The following CECR2 variants were observed in gnomAD, a reference collection of about 807,000 sequenced individuals.
CECR2 encodes the protein chromatin remodeling regulator CECR2.
In CECR2, 30 loss-of-function variants were observed where a neutral mutation model predicts 154.5. That is an observed-to-expected ratio of 0.19 (90% confidence interval 0.15 to 0.26). The LOEUF is 0.26. Among genes scored for constraint, CECR2 ranks in the 10% least tolerant of loss-of-function variants. CECR2 has a pLI of 1.00. For synonymous variants in CECR2, 725 were observed against 683.7 expected (o/e 1.06, Z -0.94); for missense variants, 1,743 against 1,829.3 (o/e 0.95, Z 0.86).
intron 7 of CECR2, among the ~76,000 whole-genome samples, chr22:17,506,496 T>C (rs2055847760): frequency 6.6e-6 from 1 of 152,214 alleles, no homozygotes; most frequent in Non-Finnish European, 1.5e-5. Flanking sequence ...ACTACGTCCA[T>C]GAACTGTCCT....
chr22:17,452,986 A>G (rs2054794800), intron 1 of CECR2, among the ~76,000 whole-genome samples: 1 of 152,210 alleles, frequency 6.6e-6, no homozygotes, highest in Non-Finnish European at 1.5e-5. Flanking sequence ...ACAAGACCCT[A>G]TTTATGAAAC....
chr22:17,480,799 G>C (rs1392119929), intron 2 of CECR2, among the ~76,000 whole-genome samples: 1 of 152,062 alleles, frequency 6.6e-6, no homozygotes, highest in Admixed American at 6.6e-5. Flanking sequence ...CAGCACTTTG[G>C]GAGGCCGAGA....
intron 1 of CECR2, among the ~76,000 whole-genome samples, chr22:17,395,028 A>T (rs544114333): frequency 2.2e-4 from 33 of 152,100 alleles, no homozygotes; most frequent in South Asian, 6.2e-4. Context: ...AAATGCATGG[A>T]TCCTTGTACC....
intron 1 of CECR2, among the ~76,000 whole-genome samples, chr22:17,445,268 G>A (rs1370460312): frequency 1.3e-5 from 2 of 152,130 alleles, no homozygotes; most frequent in African/African-American, 4.8e-5. Flanking sequence ...AGCACTTTGG[G>A]AGGCTGAGGT....
chr22:17,410,680 T>C (rs1014370755), intron 1 of CECR2, among the ~76,000 whole-genome samples: 1 of 152,102 alleles, frequency 6.6e-6, no homozygotes, highest in Non-Finnish European at 1.5e-5. Context: ...ACTCCTGACC[T>C]TGTGACCTGC....
At chr22:17,497,125 T>C (rs2055644078) in intron 2 of CECR2, among the ~76,000 whole-genome samples, 1 of 152,018 alleles carries the variant, frequency 6.6e-6, no homozygotes, top group African/African-American at 2.4e-5. Flanking sequence ...GAGACCCCTG[T>C]CTCTACAAAA....
chr22:17,421,571 C>T (rs1368579334), intron 1 of CECR2, among the ~76,000 whole-genome samples: 5 of 143,504 alleles, frequency 3.5e-5, no homozygotes, highest in East Asian at 4.1e-4. Context: ...GCCGAGATCC[C>T]GCCACTGCAC....
At chr22:17,397,031 TG>T (rs1391309840) in intron 1 of CECR2, among the ~76,000 whole-genome samples, 5 of 152,112 alleles carry the variant, frequency 3.3e-5, no homozygotes, top group African/African-American at 1.2e-4. Context: ...AGTTAGTGGG[TG>T]GGACCTGCAT....
intron 7 of CECR2, among the ~76,000 whole-genome samples, chr22:17,508,933 T>C (rs2055893416): frequency 1.3e-5 from 2 of 152,166 alleles, no homozygotes; most frequent in African/African-American, 4.8e-5. Flanking sequence ...CAATAAAGAA[T>C]AGTAAGATGC....
intron 1 of CECR2, among the ~76,000 whole-genome samples, chr22:17,467,200 A>C (rs899873085): frequency 6.6e-6 from 1 of 152,184 alleles, no homozygotes. Flanking sequence ...CTTCACTCAT[A>C]TTTCATTGAC....
At chr22:17,475,232 A>C (rs1430097985) in intron 1 of CECR2, among the ~76,000 whole-genome samples, 1 of 152,144 alleles carries the variant, frequency 6.6e-6, no homozygotes, top group Admixed American at 6.5e-5. Flanking sequence ...AGAATGGTAC[A>C]TGTGAGGGCT....
chr22:17,533,867 C>T (rs1453575150), intron 9 of CECR2, among the ~76,000 whole-genome samples: 1 of 151,696 alleles, frequency 6.6e-6, no homozygotes, highest in Non-Finnish European at 1.5e-5. Context: ...CAGGCATGCA[C>T]CACCACGCCT....
chr22:17,450,930 CA>C (rs1175998083), intron 1 of CECR2, among the ~76,000 whole-genome samples: 1 of 149,546 alleles, frequency 6.7e-6, no homozygotes, highest in Non-Finnish European at 1.5e-5. Flanking sequence ...TGGATTATTA[CA>C]GTTCTCTACT....
chr22:17,387,948 TTTTG>T (rs1569048473), intron 1 of CECR2, among the ~76,000 whole-genome samples: 1 of 152,062 alleles, frequency 6.6e-6, no homozygotes, highest in Non-Finnish European at 1.5e-5. Context: ...TGAGTTTTTT[TTTTG>T]TTTGTTTTTT....
At chr22:17,552,004 T>C in intron 17 of CECR2, 27 bp from the exon 18 acceptor site, 1 of 1,604,386 alleles carries the variant, frequency 6.2e-7, no homozygotes, top group Non-Finnish European at 8.5e-7. Context: ...TCATTAATTC[T>C]TCATTGCTTC....
chr22:17,555,921 T>G lies in CECR2; in HGVS notation c.*3081T>G, dbSNP rs2056767893. 1 of 152,148 alleles carries G rather than the reference T, an allele frequency of 6.6e-6. No individual in the cohort carries two copies. The highest frequency in any genetic ancestry group is 2.4e-5 in the African/African-American group (1 of 41,434). 9.4% of individuals were successfully genotyped at this position (152,148 alleles called of 1,614,324 possible). The stretch of plus-strand genomic sequence containing the variant: ...GTAGAGTTGTTAATAAGTTAGAAAC[T>G]TGTGTCCCTAAGGCCCAAGAGAAAA... On this transcript the variant is annotated 3_prime_UTR_variant, in exon 19 of 19. Coordinates refer to ENST00000262608, the MANE Select transcript of CECR2 (RefSeq NM_001290047.2).
intron 1 of CECR2, among the ~76,000 whole-genome samples, chr22:17,401,603 C>T (rs1178892646): frequency 6.6e-6 from 1 of 152,050 alleles, no homozygotes; most frequent in African/African-American, 2.4e-5. Context: ...TCGTTCTACT[C>T]AGTGTAAATG....
At position 17,413,449 on chromosome 22, in the gene CECR2, T is replaced by C. The variant is rs150587406; in HGVS notation, c.126+43540T>C. On this transcript the variant is annotated intron_variant, in intron 1 of 18. Coordinates refer to ENST00000262608, the MANE Select transcript of CECR2 (RefSeq NM_001290047.2). ...TACCTCACTTCCTTAAGCTCACTATTCTGCAGCTGCCTGGCTTGTGGACTC... is the reference window on the plus strand; with the variant it reads ...TACCTCACTTCCTTAAGCTCACTATCCTGCAGCTGCCTGGCTTGTGGACTC... Among the ~76,000 whole-genome samples the C allele has an allele frequency of 2.9e-3, 446 of 152,282 alleles. 2 individuals are homozygous for C. The highest frequency in any genetic ancestry group is 0.01 in the African/African-American group (424 of 41,560).
intron 13 of CECR2, among the ~76,000 whole-genome samples, chr22:17,539,500 C>T (rs73159566): frequency 0.047 from 7,068 of 151,880 alleles, 378 homozygotes; most frequent in African/African-American, 0.13. Flanking sequence ...CATCACACTC[C>T]GGGGCCTGTT....
Sources: allele counts gnomAD v4.1 joint callset (sites outside exome capture counted in the v4.1 genomes callset), GRCh38; gene constraint gnomAD v4.1.1; transcripts MANE v1.5; gene names NCBI Gene and HGNC (gene_info 2026-07-23, HGNC 2026-07-21).